RELN: variants seen among roughly 807,000 people sequenced by gnomAD.
RELN encodes the protein reelin.
In RELN, 108 loss-of-function variants were observed where a neutral mutation model predicts 427.6. The observed-to-expected ratio is 0.25, with a 90% CI of 0.22 to 0.30. The LOEUF (loss-of-function observed/expected upper bound fraction) is 0.30. RELN is among the 10% of genes least tolerant of loss of function. The pLI is 1.00. For synonymous variants in RELN, 1,524 were observed against 1,513.4 expected (o/e 1.01, Z -0.16); for missense variants, 3,715 against 4,302.8 (o/e 0.86, Z 3.82).
chr7:103,535,211 T>A, intron 46 of RELN, 105 bp downstream of exon 46: 1 of 1,084,882 alleles, frequency 9.2e-7, no homozygotes. Flanking sequence ...CATTAGCAAT[T>A]AACAAAACCC....
At chr7:103,732,783 C>G (rs1305827650) in intron 6 of RELN, among the ~76,000 whole-genome samples, 4 of 152,146 alleles carry the variant, frequency 2.6e-5, no homozygotes, top group Admixed American at 2.0e-4. Context: ...AACAATTTAA[C>G]TTGGTTGAGT....
chr7:103,549,208 C>T (rs1454042502), intron 41 of RELN, among the ~76,000 whole-genome samples: 1 of 152,080 alleles, frequency 6.6e-6, no homozygotes, highest in Non-Finnish European at 1.5e-5. Context: ...AAATTTATTT[C>T]TCACACTTGT....
intron 24 of RELN, among the ~76,000 whole-genome samples, chr7:103,601,939 TAC>T (rs1200304750): frequency 1.3e-5 from 2 of 152,128 alleles, no homozygotes; most frequent in Non-Finnish European, 2.9e-5. Flanking sequence ...AAAACTTTCA[TAC>T]AGAGTCCCAC....
chr7:103,924,058 G>A (rs1795672586), intron 1 of RELN, among the ~76,000 whole-genome samples: 2 of 152,164 alleles, frequency 1.3e-5, no homozygotes, highest in African/African-American at 2.4e-5. Context: ...GGACATGGAG[G>A]TCATGTTCCC....
intron 1 of RELN, among the ~76,000 whole-genome samples, chr7:103,926,861 C>T (rs1386459714): frequency 2.7e-5 from 4 of 145,920 alleles, no homozygotes; most frequent in Admixed American, 6.9e-5. Flanking sequence ...TTAGCCAGGA[C>T]GGTTTCAATC....
At chr7:103,666,369 A>G (rs1833268219) in intron 11 of RELN, among the ~76,000 whole-genome samples, 1 of 151,998 alleles carries the variant, frequency 6.6e-6, no homozygotes, top group Non-Finnish European at 1.5e-5. Context: ...ACTGTGCCCC[A>G]CTTCTTTGAT....
At chr7:103,813,725 G>A (rs1792800569) in intron 3 of RELN, among the ~76,000 whole-genome samples, 1 of 151,980 alleles carries the variant, frequency 6.6e-6, no homozygotes, top group African/African-American at 2.4e-5. Context: ...AAGTAATATT[G>A]TATCAGGAAG....
chr7:103,904,975 C>CTTTTT (rs67024941), intron 2 of RELN, among the ~76,000 whole-genome samples: 8 of 77,352 alleles, frequency 1.0e-4, no homozygotes, highest in East Asian at 4.5e-4. Context: ...AAGTTCTTTC[C>CTTTTT]TTTTTTTTTT....
At chr7:103,770,589 A>C (rs1257573984) in intron 4 of RELN, among the ~76,000 whole-genome samples, 1 of 152,144 alleles carries the variant, frequency 6.6e-6, no homozygotes, top group Admixed American at 6.5e-5. Context: ...ATTTGGAGAG[A>C]GGGAGAGAAA....
chr7:103,602,504 A>G (rs1475835317), intron 24 of RELN, among the ~76,000 whole-genome samples: 1 of 152,230 alleles, frequency 6.6e-6, no homozygotes, highest in Non-Finnish European at 1.5e-5. Context: ...TGCAGCCATA[A>G]AAAAGGATGA....
At chr7:103,550,787 T>C (rs75837929) in intron 41 of RELN, among the ~76,000 whole-genome samples, 2 of 152,198 alleles carry the variant, frequency 1.3e-5, no homozygotes, top group East Asian at 3.9e-4. Flanking sequence ...GAAAACCTTA[T>C]TTTTGTTGTG....
intron 2 of RELN, among the ~76,000 whole-genome samples, chr7:103,854,072 T>C (rs914756348): frequency 2.6e-5 from 4 of 152,180 alleles, no homozygotes; most frequent in Admixed American, 2.0e-4. Flanking sequence ...TATCGAAATG[T>C]CACTCTGTAT....
At chr7:103,625,866 GA>G (rs1311978258) in intron 20 of RELN, among the ~76,000 whole-genome samples, 4 of 152,072 alleles carry the variant, frequency 2.6e-5, no homozygotes, top group Non-Finnish European at 5.9e-5. Context: ...TCACCTTCTA[GA>G]AATTATAAAA....
At chr7:103,528,591 T>C (rs1173543342) in intron 46 of RELN, among the ~76,000 whole-genome samples, 1 of 152,000 alleles carries the variant, frequency 6.6e-6, no homozygotes, top group Non-Finnish European at 1.5e-5. Context: ...TGCAATGGCA[T>C]GATCTCAGCT....
Position 103,661,384 on chromosome 7 carries a change from A to T in RELN, c.1433T>A (p.Phe478Tyr). 6.2e-7 allele frequency: 1 copy of T among 1,613,944 alleles called. No homozygotes were observed. The highest frequency in any genetic ancestry group is 1.1e-5 in the South Asian group (1 of 91,074). ...TTGYGNLRFY[F>Y]VMGGICDPGN... ...TGTGAAAATGTACTTACCCATCACA[A>T]AGTAAAACCTCAGGTTCCCATAACC... Residue 478 changes from phenylalanine to tyrosine, a missense_variant, in exon 12 of 65, where the codon TTT becomes TAT. Physicochemically the swap from Phe to Tyr is conservative, Grantham distance 22. Around this residue, in one of 4 missense-constraint regions of RELN, gnomAD observed 2,208 missense variants for 2,361.7 expected, o/e 0.93. Transcript: ENST00000428762.
chr7:103,626,507 C>T lies in RELN; in HGVS notation c.2702+3433G>A, dbSNP rs117657846. ...CTGGGATTACAGGCATGTGTCACCA[C>T]GCTCGGCTAGTTTGTGTATTTTCAG... On this transcript the variant is annotated intron_variant, in intron 20 of 64. Coordinates refer to ENST00000428762, the MANE Select transcript of RELN (RefSeq NM_005045.4). The surrounding 1 kb of genome is among the most constrained non-coding windows in gnomAD (Gnocchi z 4.4). Among the ~76,000 whole-genome samples the T allele has an allele frequency of 7.9e-4, 120 of 152,154 alleles. 1 individual carries two copies. The South Asian group carries it at 0.012, about 15-fold the overall frequency.
intron 1 of RELN, among the ~76,000 whole-genome samples, chr7:103,926,411 C>A (rs1431032562): frequency 6.6e-6 from 1 of 151,824 alleles, no homozygotes; most frequent in African/African-American, 2.4e-5. Flanking sequence ...GATTGTAGTT[C>A]AACATATTGA....
At chr7:103,793,426 T>C (rs552748621) in intron 3 of RELN, among the ~76,000 whole-genome samples, 16 of 152,190 alleles carry the variant, frequency 1.1e-4, no homozygotes, top group Non-Finnish European at 2.4e-4. Flanking sequence ...GCTGATTTTA[T>C]TCTGTGTCCT....
intron 7 of RELN, among the ~76,000 whole-genome samples, chr7:103,726,293 T>A (rs944857538): frequency 6.6e-6 from 1 of 152,190 alleles, no homozygotes. Context: ...GTATAAAATG[T>A]GGACATCATC....
Sources: gnomAD v4.1 joint callset for allele counts (sites outside exome capture counted in the v4.1 genomes callset) on GRCh38, gnomAD v4.1.1 for gene constraint, gnomAD v4.1.1 regional missense constraint, Gnocchi (gnomAD v3.1) non-coding constraint, MANE v1.5 for transcripts, NCBI Gene and HGNC (gene_info 2026-07-23, HGNC 2026-07-21) for gene names.